ZC3H12C: variants seen among roughly 807,000 people sequenced by gnomAD.
ZC3H12C encodes probable ribonuclease ZC3H12C.
A neutral mutation model predicts 76.3 loss-of-function variants in ZC3H12C; 20 were observed. The observed-to-expected ratio is 0.26, with a 90% CI of 0.18 to 0.38. The LOEUF (loss-of-function observed/expected upper bound fraction) is 0.38, where lower values mean the gene tolerates loss of function less well. Ranked by LOEUF, ZC3H12C falls within the 10% of genes least tolerant of loss-of-function variation. ZC3H12C has a pLI of 1.00. For synonymous variants in ZC3H12C, 352 were observed against 399.6 expected (o/e 0.88, Z 1.42); for missense variants, 874 against 1,086.5 (o/e 0.80, Z 2.75).
In ZC3H12C at chr11:110,166,600, A is replaced by G. The variant is rs1241248465; in HGVS notation, c.*863A>G. The stretch of plus-strand genomic sequence containing the variant: ...AGTGGAATTGAATTCCTAGATTTCC[A>G]TTAACCTGTATTTTTAATATGTCTG... On this transcript the variant is annotated 3_prime_UTR_variant, in exon 6 of 6. Transcript: ENST00000278590. 6.6e-6 allele frequency: 1 copy of G among 152,208 alleles called. No homozygotes were observed. Among genetic ancestry groups the G allele is most frequent in the African/African-American group, 2.4e-5 (1 of 41,462 alleles). The allele number at this position is 152,208 out of a possible 1,614,324, so 9.4% of individuals were successfully genotyped here.
At chr11:110,105,002 A>G (rs375374441) in intron 1 of ZC3H12C, among the ~76,000 whole-genome samples, 10 of 152,232 alleles carry the variant, frequency 6.6e-5, no homozygotes, top group South Asian at 4.1e-4. Flanking sequence ...CTATTACTTT[A>G]TGTCTTATAG....
Position 110,106,006 on chromosome 11 carries a change from C to T in ZC3H12C, c.21+12574C>T, listed in dbSNP as rs201314846. Among the ~76,000 whole-genome samples the T allele has an allele frequency of 5.0e-4, 7 of 14,070 alleles. 3 individuals are homozygous for T. The Admixed American group carries it at 6.2e-3, about 12-fold the overall frequency. 9.2% of individuals were successfully genotyped at this position (14,070 alleles called of 152,430 possible). On this transcript the variant is annotated intron_variant, in intron 1 of 5. Coordinates refer to ENST00000278590, the MANE Select transcript of ZC3H12C (RefSeq NM_033390.2). The stretch of plus-strand genomic sequence containing the variant: ...TATACCAGCCGGGCGCGGTGGCTCA[C>T]GCCTGTAATCCCAGCACTTTGGGAG...
intron 1 of ZC3H12C, among the ~76,000 whole-genome samples, chr11:110,096,910 G>T (rs1373903666): frequency 6.6e-6 from 1 of 152,214 alleles, no homozygotes; most frequent in Non-Finnish European, 1.5e-5. Context: ...CATGGCAAAT[G>T]ATGTAACAGC....
rs149982801 is a variant in ZC3H12C, at chr11:110,154,557, G to A, written c.913+1499G>A. 6.1e-3 allele frequency among the ~76,000 whole-genome samples: 934 copies of A among 152,086 alleles called. 11 individuals are homozygous for A. Among genetic ancestry groups the A allele is most frequent in the African/African-American group, 0.021 (891 of 41,496 alleles). On this transcript the variant is annotated intron_variant, in intron 3 of 5. Coordinates refer to ENST00000278590, the MANE Select transcript of ZC3H12C (RefSeq NM_033390.2). Reference sequence around the variant, plus strand: ...TATTGGATAACCCTTTGGGAAAAATGTACTTGTTTAGACCCTTATCTTACA... The same window carrying A: ...TATTGGATAACCCTTTGGGAAAAATATACTTGTTTAGACCCTTATCTTACA...
In ZC3H12C at chr11:110,171,117, G is replaced by A. The variant is rs184264641; in HGVS notation, c.*5380G>A. Reference sequence around the variant, plus strand: ...AAGTGTTTCAGATGAATAACAAAACGCTGTTCATTGAAGCTTTCGCCACCT... The same window carrying A: ...AAGTGTTTCAGATGAATAACAAAACACTGTTCATTGAAGCTTTCGCCACCT... On this transcript the variant is annotated 3_prime_UTR_variant, in exon 6 of 6. Coordinates refer to ENST00000278590, the MANE Select transcript of ZC3H12C (RefSeq NM_033390.2). The A allele has an allele frequency of 2.0e-5, 3 of 152,280 alleles. No homozygotes were observed. Among genetic ancestry groups the A allele is most frequent in the South Asian group, 2.1e-4 (1 of 4,824 alleles). 9.4% of individuals were successfully genotyped at this position (152,280 alleles called of 1,614,324 possible).
chr11:110,150,853 A>G (rs1462195159), intron 2 of ZC3H12C, among the ~76,000 whole-genome samples: 2 of 152,122 alleles, frequency 1.3e-5, no homozygotes. Flanking sequence ...TAACTGTTAC[A>G]TAATAACTTT....
chr11:110,093,697 C>T (rs1417771911), intron 1 of ZC3H12C, among the ~76,000 whole-genome samples: 1 of 152,060 alleles, frequency 6.6e-6, no homozygotes, highest in Non-Finnish European at 1.5e-5. Context: ...GGATTTCGGG[C>T]GAGGTGAGGC....
chr11:110,135,674 T>C (rs1861945225), intron 1 of ZC3H12C, among the ~76,000 whole-genome samples: 1 of 152,068 alleles, frequency 6.6e-6, no homozygotes, highest in Non-Finnish European at 1.5e-5. Flanking sequence ...AAAGTATTCT[T>C]ATATGGTGAA....
chr11:110,159,504 T>C lies in ZC3H12C; in HGVS notation c.1148+14T>C. 6.4e-7 allele frequency: 1 copy of C among 1,557,116 alleles called. No individual in the cohort carries two copies. Among genetic ancestry groups the C allele is most frequent in the Non-Finnish European group, 8.8e-7 (1 of 1,139,514 alleles). ...TGTCAATGACAAGTAAGTAAAACCA[T>C]TTACTTGCCAATGATACTGCTTCTG... On this transcript the variant is annotated intron_variant, in intron 4 of 5. Transcript: ENST00000278590.
At chr11:110,102,352 A>G (rs964877743) in intron 1 of ZC3H12C, among the ~76,000 whole-genome samples, 1 of 151,374 alleles carries the variant, frequency 6.6e-6, no homozygotes, top group Non-Finnish European at 1.5e-5. Context: ...ACCCTCATGG[A>G]TGACTTTGAG....
At chr11:110,148,908 T>C (rs1479528374) in intron 2 of ZC3H12C, among the ~76,000 whole-genome samples, 1 of 152,244 alleles carries the variant, frequency 6.6e-6, no homozygotes, top group East Asian at 1.9e-4. Context: ...CATCATTCTT[T>C]ATCTGGCTCA....
At chr11:110,125,309 GT>G (rs1861721974) in intron 1 of ZC3H12C, among the ~76,000 whole-genome samples, 2 of 66,058 alleles carry the variant, frequency 3.0e-5, no homozygotes, top group African/African-American at 5.0e-5. Flanking sequence ...GTGTGTGTGT[GT>G]GTGTGTGTGT....
At chr11:110,122,474 C>T (rs577602954) in intron 1 of ZC3H12C, among the ~76,000 whole-genome samples, 4 of 152,054 alleles carry the variant, frequency 2.6e-5, no homozygotes, top group Non-Finnish European at 4.4e-5. Flanking sequence ...CCCTTATCCT[C>T]GAAGGATATG....
rs978554985 is a variant in ZC3H12C at position 110,168,584 on chromosome 11, A to C, written c.*2847A>C. 2.0e-5 allele frequency: 3 copies of C among 152,192 alleles called. No homozygotes were observed. The highest frequency in any genetic ancestry group is 6.5e-5 in the Admixed American group (1 of 15,280). The allele number at this position is 152,192 out of a possible 1,614,324, so 9.4% of individuals were successfully genotyped here. On this transcript the variant is annotated 3_prime_UTR_variant, in exon 6 of 6. Coordinates refer to ENST00000278590, the MANE Select transcript of ZC3H12C (RefSeq NM_033390.2). ...AAATGGTCAACTGATCGGAAAAAAA[A>C]GGATTCAGACTGGAGTATTTTGCCC... is the stretch of plus-strand genomic sequence containing the variant.
chr11:110,145,976 T>C (rs1591479843), intron 2 of ZC3H12C, among the ~76,000 whole-genome samples: 1 of 152,050 alleles, frequency 6.6e-6, no homozygotes, highest in African/African-American at 2.4e-5. Flanking sequence ...CCATAACTTG[T>C]TGGTTTAGTT....
chr11:110,093,561 C>G, intron 1 of ZC3H12C, 129 bp downstream of exon 1: 1 of 625,450 alleles, frequency 1.6e-6, no homozygotes, highest in Non-Finnish European at 2.2e-6. Context: ...GCAGCGACCT[C>G]GCCGTGTGAT....
chr11:110,167,412 A>G lies in ZC3H12C; in HGVS notation c.*1675A>G, dbSNP rs984232185. On this transcript the variant is annotated 3_prime_UTR_variant, in exon 6 of 6. Transcript: ENST00000278590. ...TTTTAAAGTAAAATTGAGGTCTAGA[A>G]TAGATTAGAAAATAAAAATAACAAT... The G allele has an allele frequency of 2.0e-5, 3 of 152,222 alleles. No homozygotes were observed. Among genetic ancestry groups the G allele is most frequent in the Non-Finnish European group, 4.4e-5 (3 of 68,030 alleles). 9.4% of individuals were successfully genotyped at this position (152,222 alleles called of 1,614,324 possible).
chr11:110,118,077 ATAT>A (rs1337703014), intron 1 of ZC3H12C, among the ~76,000 whole-genome samples: 2 of 58,284 alleles, frequency 3.4e-5, no homozygotes, highest in African/African-American at 1.6e-4. Context: ...ACACACATAT[ATAT>A]TATATATATA....
At chr11:110,138,992 C>G (rs1862021446) in intron 2 of ZC3H12C, among the ~76,000 whole-genome samples, 1 of 152,192 alleles carries the variant, frequency 6.6e-6, no homozygotes, top group Non-Finnish European at 1.5e-5. Context: ...CAATGCACTT[C>G]TAGAGCCCCA....
Sources: gnomAD v4.1 joint callset for allele counts (sites outside exome capture counted in the v4.1 genomes callset) on GRCh38, gnomAD v4.1.1 for gene constraint, MANE v1.5 for transcripts, NCBI Gene and HGNC (gene_info 2026-07-23, HGNC 2026-07-21) for gene names.